Variants in FSIP2 observed in about 807,000 individuals in gnomAD.
FSIP2 encodes fibrous sheath interacting protein 2.
In FSIP2, 367 loss-of-function variants were observed where a neutral mutation model predicts 510.5. The ratio of observed to expected loss-of-function variants is 0.72; its 90% confidence interval spans 0.66 to 0.78. The LOEUF is 0.78. Among genes scored for constraint, FSIP2 ranks in the 30% least tolerant of loss-of-function variants. The pLI is 0.00. For synonymous variants in FSIP2, 2,601 were observed against 2,732.2 expected (o/e 0.95, Z 1.50); for missense variants, 7,594 against 7,901.7 (o/e 0.96, Z 1.48).
chr2:185,808,784 A>G lies in FSIP2; in HGVS notation c.19478A>G (p.Gln6493Arg), dbSNP rs970623778. The stretch of plus-strand genomic sequence containing the variant: ...GTTAATAGAATTGTTCAAAAGGCCC[A>G]AGAACATGCTTTTAATGTGATTCCT... Reference protein sequence around the residue: ...LDVNRIVQKAQEHAFNVIPEL... With the variant: ...LDVNRIVQKAREHAFNVIPEL... Residue 6493 changes from glutamine (Q) to arginine (R), a missense_variant, in exon 17 of 23, where the codon CAA (glutamine) becomes CGA (arginine). Gln to Arg is a conservative substitution (Grantham distance 43). Coordinates refer to ENST00000424728, the MANE Select transcript of FSIP2 (RefSeq NM_173651.4). 15 of 1,612,852 alleles carry G rather than the reference A, an allele frequency of 9.3e-6. No homozygotes were observed. Among genetic ancestry groups the G allele is most frequent in the Non-Finnish European group, 1.0e-5 (12 of 1,179,496 alleles).
intron 13 of FSIP2, among the ~76,000 whole-genome samples, chr2:185,772,947 ACAT>A (rs1367947679): frequency 6.6e-6 from 1 of 151,710 alleles, no homozygotes; most frequent in Non-Finnish European, 1.5e-5. Context: ...TGTAATCTCC[ACAT>A]CCTAGGCTCA....
intron 19 of FSIP2, among the ~76,000 whole-genome samples, chr2:185,824,230 T>A (rs1057044423): frequency 1.3e-5 from 2 of 151,906 alleles, no homozygotes; most frequent in Admixed American, 1.3e-4. Context: ...GTTAAAATTG[T>A]AAATTTAATG....
chr2:185,765,597 T>A (rs1692455736), intron 13 of FSIP2: 1 of 152,134 alleles, frequency 6.6e-6, no homozygotes, highest in Non-Finnish European at 1.5e-5. Context: ...AGCTTTGTTC[T>A]TTTGGCTTAG....
At chr2:185,829,613 G>A (rs1694072507) in intron 21 of FSIP2, among the ~76,000 whole-genome samples, 1 of 151,954 alleles carries the variant, frequency 6.6e-6, no homozygotes, top group Non-Finnish European at 1.5e-5. Flanking sequence ...AAGGCAAGGT[G>A]CCCTCATGAA....
At chr2:185,780,094 G>A (rs769107988) in intron 13 of FSIP2, among the ~76,000 whole-genome samples, 1 of 151,186 alleles carries the variant, frequency 6.6e-6, no homozygotes, top group Non-Finnish European at 1.5e-5. Context: ...AAATTGTTTT[G>A]TTTAATTATT....
Position 185,804,252 on chromosome 2 carries a change from C to T in FSIP2, c.14946C>T (p.Thr4982=). 6.5e-7 allele frequency: 1 copy of T among 1,528,744 alleles called. No individual in the cohort carries two copies. 94.7% of individuals were successfully genotyped at this position (1,528,744 alleles called of 1,614,324 possible). The part of the protein sequence containing the change: ...ENPDRVKLKL[T]RIVTTLVNSI... ...CAGATAGAGTGAAACTGAAACTTAC[C>T]AGGATTGTTACAACATTGGTAAATT... Residue 4982 remains threonine, a synonymous_variant, in exon 17 of 23, where the codon ACC becomes ACT. Transcript: ENST00000424728.
rs144400754 is a variant in FSIP2 at position 185,776,008 on chromosome 2, G to A, written c.1412-6697G>A. Among the ~76,000 whole-genome samples the A allele has an allele frequency of 2.6e-4, 39 of 152,268 alleles. No individual in the cohort carries two copies. The East Asian group carries it at 7.3e-3, about 29-fold the overall frequency. On this transcript the variant is annotated intron_variant, in intron 13 of 22. Transcript: ENST00000424728. ...CATTGTGCTGGGTGCAGTGGTTCAT[G>A]CCTGTAAACCCAGCACTTTGGGAGG...
chr2:185,744,382 G>T lies in FSIP2; in HGVS notation c.448G>T (p.Asp150Tyr). Reference protein sequence around the residue: ...YRQYLTSLKLDFERNYIKEQR... With the variant: ...YRQYLTSLKLYFERNYIKEQR... Reference sequence around the variant, plus strand: ...GCAATATCTTACCAGTTTAAAATTAGACTTTGAGAGAAACTATATAAAAGA... The same window carrying T: ...GCAATATCTTACCAGTTTAAAATTATACTTTGAGAGAAACTATATAAAAGA... Residue 150 changes from aspartate (D) to tyrosine (Y), a missense_variant, in exon 4 of 23, where the codon GAC becomes TAC. By Grantham distance (160) the Asp-to-Tyr change is radical (BLOSUM62 -3). Transcript: ENST00000424728. The T allele has an allele frequency of 8.4e-7, 1 of 1,195,388 alleles. No homozygotes were observed. The highest frequency in any genetic ancestry group is 1.8e-5 in the South Asian group (1 of 55,762). The allele number at this position is 1,195,388 out of a possible 1,614,324, so 74.0% of individuals were successfully genotyped here.
At chr2:185,773,722 C>G (rs937892749) in intron 13 of FSIP2, among the ~76,000 whole-genome samples, 1 of 152,128 alleles carries the variant, frequency 6.6e-6, no homozygotes, top group African/African-American at 2.4e-5. Flanking sequence ...CAAGGTCTTT[C>G]CTGTTAATTG....
chr2:185,765,360 A>G (rs1692447809), intron 13 of FSIP2: 1 of 152,090 alleles, frequency 6.6e-6, no homozygotes, highest in African/African-American at 2.4e-5. Context: ...CTTTCTACAT[A>G]TGGCTAGCCA....
At chr2:185,775,860 C>T (rs950345244) in intron 13 of FSIP2, among the ~76,000 whole-genome samples, 1 of 152,152 alleles carries the variant, frequency 6.6e-6, no homozygotes, top group Non-Finnish European at 1.5e-5. Flanking sequence ...GATGGAGTTT[C>T]TCCATGTTGG....
rs1213525429 is a variant in FSIP2 at position 185,800,073 on chromosome 2, C to T, written c.10767C>T (p.Tyr3589=). 6.5e-7 allele frequency: 1 copy of T among 1,532,396 alleles called. No individual in the cohort carries two copies. Among genetic ancestry groups the T allele is most frequent in the South Asian group, 1.2e-5 (1 of 83,892 alleles). 94.9% of individuals were successfully genotyped at this position (1,532,396 alleles called of 1,614,324 possible). A position where few individuals can be genotyped will look rare whatever the true frequency, so the allele number is the denominator to read the frequency against. The part of the protein sequence containing the change: ...AQKMVAIPTK[Y]TYCPGIVSGG... ...AAATGGTTGCCATACCTACAAAATA[C>T]ACTTACTGTCCAGGAATAGTTTCTG... The change falls in exon 17 of 23, where the codon TAC becomes TAT. Residue 3589 remains tyrosine (Y), a synonymous_variant. Transcript: ENST00000424728.
Position 185,802,257 on chromosome 2 carries a change from G to A in FSIP2, c.12951G>A (p.Leu4317=). 2.6e-6 allele frequency: 4 copies of A among 1,533,756 alleles called. No homozygotes were observed. The highest frequency in any genetic ancestry group is 3.5e-6 in the Non-Finnish European group (4 of 1,145,302). ...SFVREIVARL[L]SKIFSPKHNT... is the part of the protein sequence containing the mutation. Reference sequence around the variant, plus strand: ...TAAGGGAGATTGTTGCCAGACTTTTGTCAAAGATTTTCAGCCCAAAGCATA... The same window carrying A: ...TAAGGGAGATTGTTGCCAGACTTTTATCAAAGATTTTCAGCCCAAAGCATA... The change falls in exon 17 of 23, where the codon TTG becomes TTA. Residue 4317 remains leucine (L), a synonymous_variant. Transcript: ENST00000424728.
chr2:185,813,061 A>T (rs1294448690), intron 17 of FSIP2, among the ~76,000 whole-genome samples: 4 of 152,112 alleles, frequency 2.6e-5, no homozygotes, highest in African/African-American at 9.7e-5. Flanking sequence ...AAAGATCAAA[A>T]GTGGAGGAAT....
In FSIP2 at chr2:185,804,380, T is replaced by C. The variant is rs1693511262; in HGVS notation, c.15074T>C (p.Val5025Ala). 1.3e-6 allele frequency: 2 copies of C among 1,502,180 alleles called. No homozygotes were observed. The highest frequency in any genetic ancestry group is 2.8e-5 in the African/African-American group (2 of 71,340). The allele number at this position is 1,502,180 out of a possible 1,614,324, so 93.1% of individuals were successfully genotyped here. Reference protein sequence around the residue: ...ERYKEMVQKIVNSVYGKVLDQ... With the variant: ...ERYKEMVQKIANSVYGKVLDQ... ...TACAAAGAAATGGTTCAAAAAATAG[T>C]CAACTCAGTATATGGAAAAGTATTA... Residue 5025 changes from valine to alanine, a missense_variant, in exon 17 of 23, where the codon GTC (valine) becomes GCC (alanine). Val to Ala is a moderately conservative substitution (Grantham distance 64). Coordinates refer to ENST00000424728, the MANE Select transcript of FSIP2 (RefSeq NM_173651.4).
chr2:185,753,215 T>C (rs890518336), intron 7 of FSIP2, among the ~76,000 whole-genome samples: 1 of 151,420 alleles, frequency 6.6e-6, no homozygotes, highest in Non-Finnish European at 1.5e-5. Flanking sequence ...TTTTTACATA[T>C]GCTAATCCAT....
intron 7 of FSIP2, among the ~76,000 whole-genome samples, chr2:185,751,572 C>T (rs989779473): frequency 2.7e-5 from 4 of 150,176 alleles, no homozygotes; most frequent in Admixed American, 2.0e-4. Flanking sequence ...GTGTTTGTAG[C>T]ATTTACATTT....
At chr2:185,740,071 G>A (rs141296659) in intron 2 of FSIP2, among the ~76,000 whole-genome samples, 64 of 152,250 alleles carry the variant, frequency 4.2e-4, no homozygotes, top group African/African-American at 1.5e-3. Flanking sequence ...TCTCCAACCA[G>A]AGAGGCTCAG....
intron 19 of FSIP2, among the ~76,000 whole-genome samples, chr2:185,819,362 T>C (rs1693875415): frequency 6.6e-6 from 1 of 151,886 alleles, no homozygotes. Flanking sequence ...ACTTAAAGTA[T>C]AAATGGGTTA....
Sources: gnomAD v4.1 joint callset for allele counts (sites outside exome capture counted in the v4.1 genomes callset) on GRCh38, gnomAD v4.1.1 for gene constraint, MANE v1.5 for transcripts, NCBI Gene and HGNC (gene_info 2026-07-23, HGNC 2026-07-21) for gene names.